HCFC2: variants seen among roughly 807,000 people sequenced by gnomAD.
HCFC2 encodes host cell factor C2, also known as host cell factor 2.
Under a neutral mutation model 89.2 loss-of-function variants are expected in HCFC2, and 18 were observed. The observed-to-expected ratio is 0.20, with a 90% confidence interval of 0.14 to 0.30. The LOEUF is 0.30. Ranked by LOEUF, HCFC2 falls within the 10% of genes least tolerant of loss-of-function variation. HCFC2 has a pLI of 1.00. For synonymous variants in HCFC2, 308 were observed against 335.7 expected (o/e 0.92, Z 0.90); for missense variants, 578 against 956.1 (o/e 0.60, Z 5.21).
intron 3 of HCFC2, among the ~76,000 whole-genome samples, chr12:104,076,467 G>A (rs1883498274): frequency 6.6e-6 from 1 of 152,226 alleles, no homozygotes; most frequent in Non-Finnish European, 1.5e-5. Flanking sequence ...TAGCCAATAT[G>A]AACTGGATAG....
chr12:104,100,041 G>A (rs1057387181), intron 13 of HCFC2, among the ~76,000 whole-genome samples: 2 of 151,990 alleles, frequency 1.3e-5, no homozygotes, highest in Admixed American at 6.6e-5. Flanking sequence ...TTTGTTAACC[G>A]GTGTGTCTAG....
At chr12:104,066,426 C>A in intron 2 of HCFC2, 111 bp downstream of exon 2, 2 of 742,432 alleles carry the variant, frequency 2.7e-6, no homozygotes, top group Non-Finnish European at 4.3e-6. Context: ...TAATATTATT[C>A]AAGTAATGTA....
chr12:104,086,753 C>T (rs1940044596), intron 7 of HCFC2, 94 bp from the exon 8 acceptor site: 4 of 1,067,416 alleles, frequency 3.7e-6, no homozygotes, highest in Non-Finnish European at 5.5e-6. Context: ...ATGTTCATTG[C>T]TGATGTTTTC....
intron 7 of HCFC2, among the ~76,000 whole-genome samples, chr12:104,086,250 C>G (rs1883840025): frequency 1.3e-5 from 2 of 152,128 alleles, no homozygotes; most frequent in African/African-American, 4.8e-5. Context: ...CAGGTGTGAA[C>G]CACCATGCCC....
chr12:104,101,305 G>A (rs1287992930), intron 13 of HCFC2, among the ~76,000 whole-genome samples: 9 of 152,132 alleles, frequency 5.9e-5, no homozygotes, highest in Non-Finnish European at 7.3e-5. Context: ...CCAGCATGGC[G>A]AAACCCCGTC....
intron 5 of HCFC2, among the ~76,000 whole-genome samples, chr12:104,081,351 A>T (rs1883677776): frequency 6.6e-6 from 1 of 152,228 alleles, no homozygotes; most frequent in African/African-American, 2.4e-5. Context: ...AGTAAAACTT[A>T]CTTGACAAGG....
chr12:104,066,112 G>A (rs1378756434), intron 1 of HCFC2, 55 bp from the exon 2 acceptor site: 35 of 1,533,696 alleles, frequency 2.3e-5, no homozygotes, highest in Non-Finnish European at 2.9e-5. Context: ...TTTGCTGATA[G>A]TATATGATAA....
At chr12:104,081,187 A>T (rs773313776) in intron 5 of HCFC2, among the ~76,000 whole-genome samples, 6 of 152,194 alleles carry the variant, frequency 3.9e-5, no homozygotes, top group Non-Finnish European at 8.8e-5. Flanking sequence ...ATTATGCTTT[A>T]GATTGCAATA....
Position 104,103,040 on chromosome 12 carries a change from A to G in HCFC2, c.2146A>G (p.Ile716Val). ...NILEYSAYLA[I>V]RTAQIQDNPS... The stretch of plus-strand genomic sequence containing the variant: ...TTTGGAATATTCAGCCTACTTGGCT[A>G]TCCGCACAGCACAGATACAAGATAA... The change falls in exon 15 of 15, where the codon ATC becomes GTC. Residue 716 changes from isoleucine to valine, a missense_variant. Around this residue, in one of 4 missense-constraint regions of HCFC2, gnomAD observed 140 missense variants for 266.4 expected, o/e 0.53. Coordinates refer to ENST00000229330, the MANE Select transcript of HCFC2 (RefSeq NM_013320.3). The G allele has an allele frequency of 6.2e-7, 1 of 1,613,926 alleles. No individual in the cohort carries two copies. The highest frequency in any genetic ancestry group is 8.5e-7 in the Non-Finnish European group (1 of 1,179,928).
At position 104,102,093 on chromosome 12, in the gene HCFC2, T is replaced by C; in HGVS notation, c.2004T>C (p.Ser668=). Residue 668 remains serine, a synonymous_variant, in exon 14 of 15, where the codon AGT becomes AGC. Transcript: ENST00000229330. The part of the protein sequence containing the change: ...GCGIGPFSKI[S]EFKTCIPGFP... Reference sequence around the variant, plus strand: ...GGATAGGTCCTTTCAGCAAAATCAGTGAATTTAAAACTTGTATTCCTGGTT... The same window carrying C: ...GGATAGGTCCTTTCAGCAAAATCAGCGAATTTAAAACTTGTATTCCTGGTT... The C allele has an allele frequency of 1.2e-6, 2 of 1,614,042 alleles. No individual in the cohort carries two copies. The highest frequency in any genetic ancestry group is 1.7e-6 in the Non-Finnish European group (2 of 1,179,958).
chr12:104,103,345 A>G lies in HCFC2; in HGVS notation c.*72A>G. On this transcript the variant is annotated 3_prime_UTR_variant, in exon 15 of 15. Transcript: ENST00000229330. ...AACTGGTTATGAAGATTTGTCATTT[A>G]AAAGAGTATTCTCTGGCTGTATTTC... 3 of 1,257,134 alleles carry G rather than the reference A, an allele frequency of 2.4e-6. No individual in the cohort carries two copies. In the South Asian group the frequency reaches 4.3e-5, roughly 18 times the overall value. 77.9% of individuals were successfully genotyped at this position (1,257,134 alleles called of 1,614,324 possible). A position where few individuals can be genotyped will look rare whatever the true frequency, so the allele number is the denominator to read the frequency against.
Position 104,068,071 on chromosome 12 carries a change from C to A in HCFC2, c.437C>A (p.Ala146Glu). Reference sequence around the variant, plus strand: ...AAATGCTATTTGTTTGGTGGCCTGGCAAACGAAAGCGAAGATTCAAACAAT... The same window carrying A: ...AAATGCTATTTGTTTGGTGGCCTGGAAAACGAAAGCGAAGATTCAAACAAT... ...GNKCYLFGGL[A>E]NESEDSNNNV... Residue 146 changes from alanine to glutamate, a missense_variant, in exon 3 of 15, where the codon GCA (alanine) becomes GAA (glutamate). By Grantham distance (107) the Ala-to-Glu change is moderately radical (BLOSUM62 -1). Coordinates refer to ENST00000229330, the MANE Select transcript of HCFC2 (RefSeq NM_013320.3). The surrounding 1 kb of genome is among the most constrained non-coding windows in gnomAD (Gnocchi z 4.1). 1 of 1,596,970 alleles carries A rather than the reference C, an allele frequency of 6.3e-7. No homozygotes were observed. The highest frequency in any genetic ancestry group is 8.5e-7 in the Non-Finnish European group (1 of 1,173,524).
intron 10 of HCFC2, among the ~76,000 whole-genome samples, chr12:104,093,808 T>C (rs2136623991): frequency 6.6e-6 from 1 of 150,986 alleles, no homozygotes; most frequent in East Asian, 1.9e-4. Flanking sequence ...AGCCTCTCCA[T>C]CAGGAAGAAC....
At chr12:104,072,727 C>G (rs965916766) in intron 3 of HCFC2, among the ~76,000 whole-genome samples, 4 of 151,946 alleles carry the variant, frequency 2.6e-5, no homozygotes, top group African/African-American at 7.3e-5. Flanking sequence ...ACTGCAAGCT[C>G]CGCCTCCTGG....
chr12:104,101,417 G>A (rs749744602), intron 13 of HCFC2, among the ~76,000 whole-genome samples: 1 of 151,930 alleles, frequency 6.6e-6, no homozygotes, highest in Non-Finnish European at 1.5e-5. Context: ...CCCGGGAAGC[G>A]GAGGTTGCAG....
At chr12:104,087,466 C>CATGT (rs1463441130) in intron 8 of HCFC2, among the ~76,000 whole-genome samples, 1 of 139,472 alleles carries the variant, frequency 7.2e-6, no homozygotes, top group African/African-American at 2.7e-5. Context: ...TATATATATA[C>CATGT]ATATATATAT....
chr12:104,092,186 G>A (rs1483893638), intron 9 of HCFC2, among the ~76,000 whole-genome samples: 1 of 152,170 alleles, frequency 6.6e-6, no homozygotes, highest in East Asian at 1.9e-4. Context: ...TAAATGTGGC[G>A]GCTGGGTTCT....
rs1054302029 is a variant in HCFC2 at position 104,080,664 on chromosome 12, GT to G, written c.683-78del. On this transcript the variant is annotated intron_variant, in intron 4 of 14. Coordinates refer to ENST00000229330, the MANE Select transcript of HCFC2 (RefSeq NM_013320.3). ...CTTTGTTTCATTTTGGTAAGTCCTT[GT>G]TTTATTTTTTAAAATTATGGAAGTT... is the stretch of plus-strand genomic sequence containing the variant. 158 of 798,542 alleles carry G rather than the reference GT, an allele frequency of 2.0e-4. 1 individual carries two copies. The Admixed American group carries it at 3.8e-3, about 19-fold the overall frequency. The allele number at this position is 798,542 out of a possible 1,614,324, so 49.5% of individuals were successfully genotyped here. A position where few individuals can be genotyped will look rare whatever the true frequency, so the allele number is the denominator to read the frequency against.
In HCFC2 at chr12:104,104,890, T is replaced by C. The variant is rs2030046972; in HGVS notation, c.*1617T>C. ...TTTTTGTGGCTGTATGAATCTTTAC[T>C]CTTTAAATGTGTACTTTACAATGTT... is the stretch of plus-strand genomic sequence containing the variant. On this transcript the variant is annotated 3_prime_UTR_variant, in exon 15 of 15. Coordinates refer to ENST00000229330, the MANE Select transcript of HCFC2 (RefSeq NM_013320.3). 1 of 152,086 alleles carries C rather than the reference T, an allele frequency of 6.6e-6. No individual in the cohort carries two copies. Among genetic ancestry groups the C allele is most frequent in the African/African-American group, 2.4e-5 (1 of 41,448 alleles). The allele number at this position is 152,086 out of a possible 1,614,324, so 9.4% of individuals were successfully genotyped here.
Sources: allele counts gnomAD v4.1 joint callset (sites outside exome capture counted in the v4.1 genomes callset), GRCh38; gene constraint gnomAD v4.1.1; regional missense constraint gnomAD v4.1.1; non-coding constraint Gnocchi (gnomAD v3.1); transcripts MANE v1.5; gene names NCBI Gene and HGNC (gene_info 2026-07-23, HGNC 2026-07-21).